The following CEP112 variants were observed in gnomAD, a reference collection of about 807,000 sequenced individuals.
The protein encoded by CEP112 is centrosomal protein 112, also known as centrosomal protein of 112 kDa.
CEP112 carries 127 observed loss-of-function variants against 153.0 expected under a neutral mutation model. The observed-to-expected ratio is 0.83, with a 90% CI of 0.72 to 0.96. The LOEUF (loss-of-function observed/expected upper bound fraction) is 0.96. CEP112 is among the 40% of genes least tolerant of loss of function. The probability of loss-of-function intolerance (pLI) is 0.00; values close to 1 mark genes in which losing one functional copy is unlikely to be tolerated. For synonymous variants in CEP112, 358 were observed against 374.4 expected (o/e 0.96, Z 0.51); for missense variants, 1,089 against 1,101.2 (o/e 0.99, Z 0.16).
intron 17 of CEP112, among the ~76,000 whole-genome samples, chr17:65,974,301 T>C (rs1490762755): frequency 1.3e-5 from 2 of 152,072 alleles, no homozygotes; most frequent in Non-Finnish European, 2.9e-5. Context: ...GGTCTCAAAA[T>C]CCTGAGCTCA....
At chr17:65,772,465 T>C (rs535880598) in intron 21 of CEP112, among the ~76,000 whole-genome samples, 1 of 152,198 alleles carries the variant, frequency 6.6e-6, no homozygotes, top group African/African-American at 2.4e-5. Context: ...AATATGAACA[T>C]CATATTTACA....
intron 15 of CEP112, 95 bp downstream of exon 15, chr17:66,028,218 T>TG (rs2065304222): frequency 1.4e-6 from 1 of 718,792 alleles, no homozygotes; most frequent in Admixed American, 2.6e-5. Flanking sequence ...CCTGCATTTC[T>TG]GAGTTTTATT....
In CEP112 at chr17:66,069,959, C is replaced by G; in HGVS notation, c.811G>C (p.Glu271Gln). ...TGTTTCTGTTGCAGTTTAAGCTTTT[C>G]TTCATGAAATTTAGCTTCCATCATT... Reference protein sequence around the residue: ...TKMMEAKFHEEKLKLQQKHDA... With the variant: ...TKMMEAKFHEQKLKLQQKHDA... Residue 271 changes from glutamate (E) to glutamine (Q), a missense_variant, in exon 9 of 27, where the codon GAA becomes CAA. Coordinates refer to ENST00000535342, the MANE Select transcript of CEP112 (RefSeq NM_001199165.4). The G allele has an allele frequency of 6.2e-7, 1 of 1,607,360 alleles. No homozygotes were observed. Among genetic ancestry groups the G allele is most frequent in the African/African-American group, 1.3e-5 (1 of 74,816 alleles).
rs569303553 is a variant in CEP112, at chr17:65,800,257, C to T, written c.2395-49533G>A. Among the ~76,000 whole-genome samples, 144 of 152,018 alleles carry T rather than the reference C, an allele frequency of 9.5e-4. 1 individual carries two copies. Among genetic ancestry groups the T allele is most frequent in the African/African-American group, 3.4e-3 (143 of 41,470 alleles). On this transcript the variant is annotated intron_variant, in intron 21 of 26. Coordinates refer to ENST00000535342, the MANE Select transcript of CEP112 (RefSeq NM_001199165.4). ...TTTTTTCACTACCCAAAAAGGAAAT[C>T]AATAGCCATCATTCCCCATTTCCCT...
intron 21 of CEP112, among the ~76,000 whole-genome samples, chr17:65,779,159 T>C (rs768719947): frequency 3.3e-5 from 5 of 152,178 alleles, no homozygotes; most frequent in Non-Finnish European, 7.3e-5. Context: ...GAAAAAACTC[T>C]CACATTGCAG....
chr17:65,640,154 A>ATATATATATATATATATTTT (rs1300751452), intron 25 of CEP112, among the ~76,000 whole-genome samples: 1 of 78,348 alleles, frequency 1.3e-5, no homozygotes, highest in African/African-American at 7.0e-5. Flanking sequence ...ATATATATAT[A>ATATATATATATATATATTTT]TTTTTTTTTT....
chr17:65,695,196 C>G (rs765796156), intron 23 of CEP112, among the ~76,000 whole-genome samples: 2 of 152,158 alleles, frequency 1.3e-5, no homozygotes, highest in Admixed American at 1.3e-4. Flanking sequence ...GAACAATGAG[C>G]GCACACCGCA....
chr17:66,166,768 G>A (rs1271415003), intron 4 of CEP112, among the ~76,000 whole-genome samples: 5 of 152,062 alleles, frequency 3.3e-5, no homozygotes, highest in Non-Finnish European at 5.9e-5. Context: ...GCCAGGCGTG[G>A]TGGCACACGC....
At chr17:65,837,895 T>G (rs2057381855) in intron 21 of CEP112, among the ~76,000 whole-genome samples, 1 of 152,108 alleles carries the variant, frequency 6.6e-6, no homozygotes, top group African/African-American at 2.4e-5. Flanking sequence ...GGCAGCATAC[T>G]CGTTAAGAGT....
intron 4 of CEP112, among the ~76,000 whole-genome samples, chr17:66,174,398 T>TA (rs1236878389): frequency 4.6e-5 from 7 of 152,200 alleles, no homozygotes; most frequent in African/African-American, 1.7e-4. Flanking sequence ...AACAGATTTC[T>TA]AAAATTAAAA....
chr17:66,018,199 C>A lies in CEP112; in HGVS notation c.1656+9302G>T, dbSNP rs370101063. Among the ~76,000 whole-genome samples the A allele has an allele frequency of 5.3e-5, 8 of 152,192 alleles. No homozygotes were observed. In the East Asian group the frequency reaches 1.4e-3, roughly 26 times the overall value. On this transcript the variant is annotated intron_variant, in intron 16 of 26. Transcript: ENST00000535342. ...TTAAAAGTGATAGGTAATGACAACA[C>A]AAACCAGATAGTCAAGGATACATAA...
chr17:65,655,155 A>C (rs948917704), intron 24 of CEP112: 7 of 750,742 alleles, frequency 9.3e-6, no homozygotes, highest in Non-Finnish European at 1.5e-5. Context: ...TTGAATTAAA[A>C]GTGTATGTAG....
At chr17:65,937,901 C>G (rs1304546176) in intron 18 of CEP112, among the ~76,000 whole-genome samples, 1 of 118,590 alleles carries the variant, frequency 8.4e-6, no homozygotes, top group African/African-American at 2.8e-5. Context: ...CCGGCCACCA[C>G]CCCATCTGGG....
intron 24 of CEP112, among the ~76,000 whole-genome samples, chr17:65,647,400 C>T (rs1318233638): frequency 1.3e-5 from 2 of 150,402 alleles, no homozygotes; most frequent in East Asian, 2.0e-4. Flanking sequence ...CTCGAACTCT[C>T]GATCTCAGGT....
intron 19 of CEP112, among the ~76,000 whole-genome samples, chr17:65,918,451 G>GT (rs768225178): frequency 6.6e-6 from 1 of 151,848 alleles, no homozygotes; most frequent in African/African-American, 2.4e-5. Context: ...AGTGTTTTTT[G>GT]TTTTTTGTTT....
At chr17:66,032,674 T>C (rs2065540965) in intron 12 of CEP112, among the ~76,000 whole-genome samples, 1 of 152,218 alleles carries the variant, frequency 6.6e-6, no homozygotes, top group Admixed American at 6.5e-5. Context: ...CTTTATTATT[T>C]TTTGTGCACA....
intron 20 of CEP112, among the ~76,000 whole-genome samples, chr17:65,870,847 C>A (rs1265118714): frequency 6.6e-6 from 1 of 152,194 alleles, no homozygotes; most frequent in Admixed American, 6.5e-5. Context: ...AGGCTGAATT[C>A]TTCTTCACTA....
chr17:65,718,780 C>T (rs1219428740), intron 23 of CEP112, among the ~76,000 whole-genome samples: 7 of 152,140 alleles, frequency 4.6e-5, no homozygotes, highest in South Asian at 4.1e-4. Context: ...TAGGGACTGA[C>T]GATTGAGAAG....
At chr17:65,787,894 T>C (rs1470726765) in intron 21 of CEP112, among the ~76,000 whole-genome samples, 1 of 152,194 alleles carries the variant, frequency 6.6e-6, no homozygotes, top group Non-Finnish European at 1.5e-5. Flanking sequence ...CTCTTTCTAA[T>C]TTGTATCCTA....
Sources: gnomAD v4.1 joint callset for allele counts (sites outside exome capture counted in the v4.1 genomes callset) on GRCh38, gnomAD v4.1.1 for gene constraint, MANE v1.5 for transcripts, NCBI Gene and HGNC (gene_info 2026-07-23, HGNC 2026-07-21) for gene names.